The following NUDT3 variants were observed in gnomAD, a reference collection of about 807,000 sequenced individuals.
NUDT3 encodes the protein diphosphoinositol polyphosphate phosphohydrolase 1.
A neutral mutation model predicts 23.6 loss-of-function variants in NUDT3; 9 were observed. That is an observed-to-expected ratio of 0.38 (90% CI 0.23 to 0.66). The LOEUF is 0.66. Ranked by LOEUF, NUDT3 falls within the 30% of genes least tolerant of loss-of-function variation. The probability of loss-of-function intolerance (pLI) is 0.52; values close to 1 mark genes in which losing one functional copy is unlikely to be tolerated. For missense variants in NUDT3, 172 were observed against 218.5 expected (o/e 0.79, Z 1.34); for synonymous variants, 86 against 82.6 (o/e 1.04, Z -0.22).
At chr6:34,355,786 T>C (rs1764552505) in intron 1 of NUDT3, among the ~76,000 whole-genome samples, 1 of 151,732 alleles carries the variant, frequency 6.6e-6, no homozygotes, top group African/African-American at 2.4e-5. Flanking sequence ...TTTAGTAGTT[T>C]GTATCTTTCA....
chr6:34,299,541 T>C (rs1002215189), intron 2 of NUDT3, among the ~76,000 whole-genome samples: 10 of 151,990 alleles, frequency 6.6e-5, no homozygotes, highest in African/African-American at 2.2e-4. Context: ...CCTCCTGTCT[T>C]AGCCTCCCAA....
At chr6:34,344,852 C>T (rs554102583) in intron 1 of NUDT3, among the ~76,000 whole-genome samples, 129 of 151,868 alleles carry the variant, frequency 8.5e-4, no homozygotes, top group African/African-American at 2.6e-3. Context: ...GAGGTTTCAC[C>T]GTGTTAGCCA....
chr6:34,319,839 CTTG>C (rs1763913641), intron 2 of NUDT3, among the ~76,000 whole-genome samples: 1 of 152,114 alleles, frequency 6.6e-6, no homozygotes, highest in Non-Finnish European at 1.5e-5. Context: ...AGAGTCCTGC[CTTG>C]GGCAGGTAAA....
Position 34,392,161 on chromosome 6 carries a change from GGGCGGCCCTGGCACACCCTCCTCC to G in NUDT3, c.99+79_99+102del, listed in dbSNP as rs1191574785. The G allele has an allele frequency of 1.0e-5, 8 of 783,224 alleles. No individual in the cohort carries two copies. The African/African-American group carries it at 1.3e-4, about 13-fold the overall frequency. The allele number at this position is 783,224 out of a possible 1,614,324, so 48.5% of individuals were successfully genotyped here. On this transcript the variant is annotated intron_variant, in intron 1 of 4. Transcript: ENST00000607016. The stretch of plus-strand genomic sequence containing the variant: ...ATCGGAACTTCATTCCGCCCGAGCG[GGGCGGCCCTGGCACACCCTCCTCC>G]GGCGGCCGCGCCCCTCGCGCCTCCA...
Position 34,287,220 on chromosome 6 carries a change from A to G in NUDT3, c.*1533T>C, listed in dbSNP as rs1399330002. 6.6e-6 allele frequency: 1 copy of G among 152,180 alleles called. No individual in the cohort carries two copies. The highest frequency in any genetic ancestry group is 1.5e-5 in the Non-Finnish European group (1 of 68,028). 9.4% of individuals were successfully genotyped at this position (152,180 alleles called of 1,614,324 possible). A position where few individuals can be genotyped will look rare whatever the true frequency, so the allele number is the denominator to read the frequency against. On this transcript the variant is annotated 3_prime_UTR_variant, in exon 5 of 5. Coordinates refer to ENST00000607016, the MANE Select transcript of NUDT3 (RefSeq NM_006703.4). ...TTTCAAAGTTTGAGTGCTTTATTAGAATTTTTAAATGAGGCGAACTATGAT... is the reference window on the plus strand; with the variant it reads ...TTTCAAAGTTTGAGTGCTTTATTAGGATTTTTAAATGAGGCGAACTATGAT...
At position 34,372,912 on chromosome 6, in the gene NUDT3, AC is replaced by A. The variant is rs374360688; in HGVS notation, c.99+19351del. The stretch of plus-strand genomic sequence containing the variant: ...CTTTTCTGGCTTAACATTGTCATCT[AC>A]CCCCCATCTCATCCCTGCCCCCACT... On this transcript the variant is annotated intron_variant, in intron 1 of 4. Coordinates refer to ENST00000607016, the MANE Select transcript of NUDT3 (RefSeq NM_006703.4). Among the ~76,000 whole-genome samples, 621 of 150,858 alleles carry A rather than the reference AC, an allele frequency of 4.1e-3. 5 individuals carry two copies. The highest frequency in any genetic ancestry group is 0.014 in the African/African-American group (590 of 41,046).
chr6:34,382,170 G>C (rs1378382533), intron 1 of NUDT3, among the ~76,000 whole-genome samples: 3 of 151,850 alleles, frequency 2.0e-5, no homozygotes, highest in African/African-American at 7.3e-5. Context: ...GGCAAGGAGG[G>C]AGGATCACTT....
chr6:34,346,985 T>C (rs1397960319), intron 1 of NUDT3, among the ~76,000 whole-genome samples: 2 of 152,172 alleles, frequency 1.3e-5, no homozygotes, highest in African/African-American at 4.8e-5. Flanking sequence ...GCCAGGTTGG[T>C]CTTGAACTCC....
intron 1 of NUDT3, among the ~76,000 whole-genome samples, chr6:34,363,868 G>T (rs1764686067): frequency 6.6e-6 from 1 of 151,884 alleles, no homozygotes; most frequent in Admixed American, 6.6e-5. Flanking sequence ...CTCCTCCCAG[G>T]TTTAAGCGAT....
At chr6:34,290,800 T>C (rs1347489110) in intron 4 of NUDT3, among the ~76,000 whole-genome samples, 1 of 149,570 alleles carries the variant, frequency 6.7e-6, no homozygotes, top group Non-Finnish European at 1.5e-5. Flanking sequence ...TGATTATTAT[T>C]ATTATTATTA....
intron 2 of NUDT3, among the ~76,000 whole-genome samples, chr6:34,334,717 G>T (rs770440666): frequency 3.3e-5 from 5 of 151,980 alleles, no homozygotes; most frequent in Middle Eastern, 6.4e-3. Flanking sequence ...GAGGGAGGAG[G>T]GGCTGGAAGC....
chr6:34,327,043 C>A (rs1292322348), intron 2 of NUDT3, among the ~76,000 whole-genome samples: 1 of 151,554 alleles, frequency 6.6e-6, no homozygotes, highest in African/African-American at 2.4e-5. Context: ...CCGGTAGTGG[C>A]CCTGAATGGC....
At chr6:34,374,686 C>A (rs1764893006) in intron 1 of NUDT3, among the ~76,000 whole-genome samples, 1 of 152,150 alleles carries the variant, frequency 6.6e-6, no homozygotes, top group African/African-American at 2.4e-5. Flanking sequence ...GGAGAGGGTT[C>A]TTTTACAGCA....
At chr6:34,292,274 C>T (rs1763434526) in intron 4 of NUDT3, among the ~76,000 whole-genome samples, 1 of 152,152 alleles carries the variant, frequency 6.6e-6, no homozygotes, top group African/African-American at 2.4e-5. Context: ...CTACGAACTG[C>T]CCAGAGTAAC....
chr6:34,376,705 T>C (rs192020933), intron 1 of NUDT3, among the ~76,000 whole-genome samples: 125 of 152,258 alleles, frequency 8.2e-4, no homozygotes, highest in African/African-American at 3.0e-3. Flanking sequence ...ATTCTCCCAA[T>C]CATTCCCTCT....
chr6:34,361,729 T>C (rs1022229234), intron 1 of NUDT3, among the ~76,000 whole-genome samples: 1 of 152,198 alleles, frequency 6.6e-6, no homozygotes, highest in Non-Finnish European at 1.5e-5. Context: ...GAGGAAACTT[T>C]AATGCATATT....
At chr6:34,371,958 T>G (rs145760255) in intron 1 of NUDT3, among the ~76,000 whole-genome samples, 2 of 152,212 alleles carry the variant, frequency 1.3e-5, no homozygotes, top group Non-Finnish European at 2.9e-5. Context: ...GTGTTCTTAT[T>G]GTTCAATTCC....
chr6:34,383,651 T>G (rs1025548213), intron 1 of NUDT3, among the ~76,000 whole-genome samples: 2 of 152,156 alleles, frequency 1.3e-5, no homozygotes, highest in African/African-American at 4.8e-5. Flanking sequence ...TATGAAGATA[T>G]AGATTGCTTC....
At chr6:34,310,857 AT>A (rs946063306) in intron 2 of NUDT3, among the ~76,000 whole-genome samples, 35 of 152,272 alleles carry the variant, frequency 2.3e-4, no homozygotes, top group African/African-American at 8.2e-4. Flanking sequence ...TCAATAATCA[AT>A]TAATGTATTC....
Sources: gnomAD v4.1 joint callset for allele counts (sites outside exome capture counted in the v4.1 genomes callset) on GRCh38, gnomAD v4.1.1 for gene constraint, MANE v1.5 for transcripts, NCBI Gene and HGNC (gene_info 2026-07-23, HGNC 2026-07-21) for gene names.